Variants in NUP153 observed in about 807,000 individuals in gnomAD.
NUP153 encodes nucleoporin 153.
In NUP153, 27 loss-of-function variants were observed where a neutral mutation model predicts 134.6. The observed-to-expected ratio is 0.20, with a 90% CI of 0.15 to 0.28. The LOEUF (loss-of-function observed/expected upper bound fraction) is 0.28, where lower values mean the gene tolerates loss of function less well. NUP153 is among the 10% of genes least tolerant of loss of function. The pLI, the probability that NUP153 is intolerant of heterozygous loss-of-function variation, is 1.00. For missense variants in NUP153, 1,821 were observed against 1,731.3 expected, an observed-to-expected ratio of 1.05 and a Z score of -0.92; for synonymous variants, 640 against 623.5, an observed-to-expected ratio of 1.03 and a Z score of -0.40.
At chr6:17,661,801 A>G (rs1467031353) in intron 10 of NUP153, 22 bp from the exon 11 acceptor site, 1 of 1,605,632 alleles carries the variant, frequency 6.2e-7, no homozygotes, top group Non-Finnish European at 8.5e-7. Context: ...AAAGAAAATT[A>G]AAACAACTGA....
At position 17,625,846 on chromosome 6, in the gene NUP153, C is replaced by T. The variant is rs377043052; in HGVS notation, c.3863G>A (p.Gly1288Asp). 12 of 1,614,020 alleles carry T rather than the reference C, an allele frequency of 7.4e-6. No individual in the cohort carries two copies. In the African/African-American group the frequency reaches 1.6e-4, roughly 22 times the overall value. ...GASSNNTTTSGFGFGATTTSS... is the reference protein window; with the variant it reads ...GASSNNTTTSDFGFGATTTSS... ...TGTGGTTGTGGCTCCAAAGCCGAAA[C>T]CAGAGGTGGTAGTATTATTACTGCT... Residue 1288 changes from glycine (G) to aspartate (D), a missense_variant, in exon 19 of 22, where the codon GGT becomes GAT. Transcript: ENST00000262077. This position sits in a 1 kb window ranked among gnomAD's most constrained non-coding sequence, Gnocchi z 4.7.
chr6:17,650,427 C>G (rs1371983535), intron 11 of NUP153, among the ~76,000 whole-genome samples: 1 of 152,198 alleles, frequency 6.6e-6, no homozygotes, highest in Non-Finnish European at 1.5e-5. Flanking sequence ...GTAAACTACA[C>G]AGCTGTAAGG....
intron 13 of NUP153, among the ~76,000 whole-genome samples, chr6:17,646,646 A>C (rs2113796443): frequency 6.6e-6 from 1 of 152,322 alleles, no homozygotes; most frequent in Middle Eastern, 3.4e-3. Flanking sequence ...CAGCATTTTA[A>C]ATTTCTCAGG....
chr6:17,684,788 C>T (rs1000729973), intron 2 of NUP153, among the ~76,000 whole-genome samples: 1 of 152,068 alleles, frequency 6.6e-6, no homozygotes, highest in African/African-American at 2.4e-5. Flanking sequence ...TACTAATTAG[C>T]CTAATTTCAA....
chr6:17,706,538 G>A lies in NUP153; in HGVS notation c.-151C>T. On this transcript the variant is annotated 5_prime_UTR_variant, in exon 1 of 22. Coordinates refer to ENST00000262077, the MANE Select transcript of NUP153 (RefSeq NM_005124.4). This position sits in a 1 kb window ranked among gnomAD's most constrained non-coding sequence, Gnocchi z 5.9. ...AGTGGGCACAAGCACCCCAGGAACC[G>A]CGAGGTTGCGAGCAGGAGCGGAGAG... 2 of 604,128 alleles carry A rather than the reference G, an allele frequency of 3.3e-6. No homozygotes were observed. Among genetic ancestry groups the A allele is most frequent in the Non-Finnish European group, 5.8e-6 (2 of 346,618 alleles). The allele number at this position is 604,128 out of a possible 1,614,324, so 37.4% of individuals were successfully genotyped here. A position where few individuals can be genotyped will look rare whatever the true frequency, so the allele number is the denominator to read the frequency against.
rs75715398 is a variant in NUP153 at position 17,616,781 on chromosome 6, G to A, written c.4175-86C>T. 0.021 allele frequency: 27,443 copies of A among 1,301,314 alleles called. 2,146 individuals carry two copies. In the East Asian group the frequency reaches 0.28, roughly 13 times the overall value. 80.6% of individuals were successfully genotyped at this position (1,301,314 alleles called of 1,614,324 possible). A position where few individuals can be genotyped will look rare whatever the true frequency, so the allele number is the denominator to read the frequency against. The stretch of plus-strand genomic sequence containing the variant: ...TGTTTGTTTTTTGAGACGGAGTCTC[G>A]CTCTCTTGCCCAGGCTGGAGTACAG... On this transcript the variant is annotated intron_variant, in intron 20 of 21. Transcript: ENST00000262077.
At chr6:17,636,334 CAAA>C (rs199891939) in intron 16 of NUP153, among the ~76,000 whole-genome samples, 7 of 67,562 alleles carry the variant, frequency 1.0e-4, no homozygotes, top group East Asian at 4.8e-4. Context: ...GACTCTGTCT[CAAA>C]AAAAAAAAAA....
chr6:17,683,022 A>G (rs1768702354), intron 2 of NUP153, among the ~76,000 whole-genome samples: 1 of 151,762 alleles, frequency 6.6e-6, no homozygotes, highest in African/African-American at 2.4e-5. Context: ...ATTCAGTCAC[A>G]TCTTCATACT....
intron 14 of NUP153, among the ~76,000 whole-genome samples, chr6:17,643,255 C>T (rs544435872): frequency 2.0e-5 from 3 of 152,330 alleles, no homozygotes; most frequent in East Asian, 1.9e-4. Context: ...GCCAGATCAC[C>T]TGAGGTCAGG....
chr6:17,645,695 A>C (rs1766129910), intron 14 of NUP153, among the ~76,000 whole-genome samples: 1 of 152,150 alleles, frequency 6.6e-6, no homozygotes, highest in Non-Finnish European at 1.5e-5. Context: ...TTGTGAACTG[A>C]AAGGTAAAAA....
chr6:17,649,398 C>T, intron 11 of NUP153, 98 bp from the exon 12 acceptor site: 1 of 1,134,464 alleles, frequency 8.8e-7, no homozygotes, highest in Non-Finnish European at 1.2e-6. Context: ...GAAGATGGTA[C>T]CATGTAGTGT....
At chr6:17,633,367 T>C (rs921034477) in intron 16 of NUP153, among the ~76,000 whole-genome samples, 21 of 152,250 alleles carry the variant, frequency 1.4e-4, no homozygotes, top group African/African-American at 5.1e-4. Context: ...GAAGTGCATC[T>C]ACTTCACATC....
rs1264047002 is a variant in NUP153, at chr6:17,637,292, G to A, written c.2325C>T (p.Ser775=). The part of the protein sequence containing the change: ...ESAETMTASS[S]SCTVTTGTLG... ...AGGTACCAGTGGTTACAGTGCAGCT[G>A]GAAGATGAAGCAGTCATAGTCTCAG... Residue 775 remains serine (S), a synonymous_variant, in exon 16 of 22, where the codon TCC becomes TCT. Coordinates refer to ENST00000262077, the MANE Select transcript of NUP153 (RefSeq NM_005124.4). The A allele has an allele frequency of 3.7e-6, 6 of 1,614,166 alleles. No individual in the cohort carries two copies. The highest frequency in any genetic ancestry group is 5.1e-6 in the Non-Finnish European group (6 of 1,180,038).
chr6:17,701,523 G>A (rs951238248), intron 1 of NUP153, among the ~76,000 whole-genome samples: 2 of 151,696 alleles, frequency 1.3e-5, no homozygotes, highest in African/African-American at 2.4e-5. Context: ...TTAGCTGGGC[G>A]TGGTGGCACG....
intron 11 of NUP153, among the ~76,000 whole-genome samples, chr6:17,658,525 A>G (rs1178705166): frequency 6.6e-6 from 1 of 152,248 alleles, no homozygotes; most frequent in Non-Finnish European, 1.5e-5. Context: ...GAAGTTGACA[A>G]TAACCAGTCA....
rs760941892 is a variant in NUP153, at chr6:17,625,959, C to T, written c.3750G>A (p.Gln1250=). The change falls in exon 19 of 22, where the codon CAG becomes CAA. Residue 1250 remains glutamine (Q), a synonymous_variant. Transcript: ENST00000262077. The surrounding 1 kb of genome is among the most constrained non-coding windows in gnomAD (Gnocchi z 4.7). ...TGCTATCTTGAGAAAATAGCAAAGA[C>T]TGAGAGGTGCTGGATTCAGCAGTGT... ...FGNTAESSTS[Q]SLLFSQDSKL... 2 of 1,614,146 alleles carry T rather than the reference C, an allele frequency of 1.2e-6. No individual in the cohort carries two copies. The highest frequency in any genetic ancestry group is 2.2e-5 in the South Asian group (2 of 91,076).
chr6:17,627,028 T>C (rs1325498832), intron 18 of NUP153, among the ~76,000 whole-genome samples: 1 of 152,248 alleles, frequency 6.6e-6, no homozygotes, highest in African/African-American at 2.4e-5. Flanking sequence ...TATATGGTGA[T>C]TCTGAATCCA....
intron 2 of NUP153, among the ~76,000 whole-genome samples, chr6:17,686,013 T>C (rs1419827214): frequency 6.6e-6 from 1 of 152,008 alleles, no homozygotes; most frequent in Non-Finnish European, 1.5e-5. Flanking sequence ...CTGGGCGTGG[T>C]AGCACACGCC....
rs915130924 is a variant in NUP153 at position 17,625,075 on chromosome 6, A to G, written c.3902-242T>C. Among the ~76,000 whole-genome samples, 15 of 152,226 alleles carry G rather than the reference A, an allele frequency of 9.9e-5. No individual in the cohort carries two copies. The highest frequency in any genetic ancestry group is 3.1e-4 in the African/African-American group (13 of 41,464). ...CAATTAACAACTACTCCACACCTTT[A>G]CAGCCGACAATTTCTGGTAAAGGAA... On this transcript the variant is annotated intron_variant, in intron 19 of 21. Coordinates refer to ENST00000262077, the MANE Select transcript of NUP153 (RefSeq NM_005124.4). This position sits in a 1 kb window ranked among gnomAD's most constrained non-coding sequence, Gnocchi z 4.7.
Sources: gnomAD v4.1 joint callset for allele counts (sites outside exome capture counted in the v4.1 genomes callset) on GRCh38, gnomAD v4.1.1 for gene constraint, Gnocchi (gnomAD v3.1) non-coding constraint, MANE v1.5 for transcripts, NCBI Gene and HGNC (gene_info 2026-07-23, HGNC 2026-07-21) for gene names.